CHODL: variants seen among roughly 807,000 people sequenced by gnomAD.
The protein encoded by CHODL is transmembrane protein MT75.
Under a neutral mutation model 34.5 loss-of-function variants are expected in CHODL, and 29 were observed. The observed-to-expected ratio is 0.84, with a 90% CI of 0.63 to 1.15. The LOEUF (loss-of-function observed/expected upper bound fraction) is 1.15. CHODL is among the 50% of genes most tolerant of loss of function. The pLI is 0.00. For synonymous variants in CHODL, 125 were observed against 116.1 expected (o/e 1.08, Z -0.49); for missense variants, 332 against 332.5 (o/e 1.00, Z 0.01).
intron 2 of CHODL, among the ~76,000 whole-genome samples, chr21:18,239,161 A>T (rs2074057621): frequency 1.3e-5 from 2 of 152,028 alleles, no homozygotes. Flanking sequence ...GTTTCTTTGG[A>T]ATGTAGAATA....
chr21:18,189,130 C>A (rs2073480280), intron 2 of CHODL, among the ~76,000 whole-genome samples: 1 of 152,150 alleles, frequency 6.6e-6, no homozygotes, highest in Admixed American at 6.5e-5. Flanking sequence ...AGAATTCTCT[C>A]TCTCTTTTTT....
intron 2 of CHODL, among the ~76,000 whole-genome samples, chr21:18,193,853 A>G (rs2146696092): frequency 6.6e-6 from 1 of 152,250 alleles, no homozygotes; most frequent in East Asian, 1.9e-4. Flanking sequence ...AAGGGAATTC[A>G]GTATTCAGAC....
chr21:18,178,451 G>C (rs768055740), intron 2 of CHODL, among the ~76,000 whole-genome samples: 1 of 152,074 alleles, frequency 6.6e-6, no homozygotes, highest in East Asian at 1.9e-4. Context: ...CCCCCTTCCA[G>C]TTAAAATTTA....
intron 1 of CHODL, among the ~76,000 whole-genome samples, chr21:17,974,934 A>T (rs921356437): frequency 1.9e-4 from 28 of 148,278 alleles, no homozygotes; most frequent in Non-Finnish European, 7.4e-5. Context: ...TATATATATA[A>T]AATATATAAA....
chr21:18,049,715 C>T (rs577731283), intron 2 of CHODL, among the ~76,000 whole-genome samples: 1 of 152,028 alleles, frequency 6.6e-6, no homozygotes, highest in African/African-American at 2.4e-5. Context: ...GTCTAAATTT[C>T]CTCCTCTTAT....
chr21:18,251,649 TA>T lies in CHODL; in HGVS notation c.80-4856del, dbSNP rs1259464603. ...TATTTTATTTATTTATTTTAATATA[TA>T]AAATATTTATTTTATTTATTTATTT... is the stretch of plus-strand genomic sequence containing the variant. On this transcript the variant is annotated intron_variant, in intron 1 of 5. Transcript: ENST00000299295. Among the ~76,000 whole-genome samples, 10 of 101,706 alleles carry T rather than the reference TA, an allele frequency of 9.8e-5. 1 individual carries two copies. The highest frequency in any genetic ancestry group is 3.2e-4 in the East Asian group (1 of 3,090). 66.7% of individuals were successfully genotyped at this position (101,706 alleles called of 152,430 possible).
At chr21:18,191,277 T>A (rs995881534) in intron 2 of CHODL, among the ~76,000 whole-genome samples, 13 of 152,066 alleles carry the variant, frequency 8.5e-5, no homozygotes, top group African/African-American at 3.1e-4. Context: ...GAGGCAGAGG[T>A]CTGAAAAGTA....
chr21:18,024,804 A>G (rs988473809), intron 1 of CHODL: 2 of 152,214 alleles, frequency 1.3e-5, no homozygotes, highest in Non-Finnish European at 2.9e-5. Flanking sequence ...TGGCTAATCC[A>G]TAGAGGATGG....
At chr21:18,165,823 C>T (rs1485821534) in intron 2 of CHODL, among the ~76,000 whole-genome samples, 1 of 152,096 alleles carries the variant, frequency 6.6e-6, no homozygotes, top group Non-Finnish European at 1.5e-5. Flanking sequence ...TAAATGACTC[C>T]TGTGGCCATT....
chr21:18,167,853 G>C (rs1222399528), intron 2 of CHODL, among the ~76,000 whole-genome samples: 1 of 152,066 alleles, frequency 6.6e-6, no homozygotes, highest in East Asian at 1.9e-4. Flanking sequence ...ATTGTTCCTG[G>C]GTTTGTCTGT....
intron 2 of CHODL, among the ~76,000 whole-genome samples, chr21:18,207,976 T>C (rs531068792): frequency 1.3e-4 from 20 of 152,228 alleles, no homozygotes; most frequent in African/African-American, 4.6e-4. Flanking sequence ...TTCTATAACC[T>C]TCTTGTACTT....
At chr21:18,246,551 A>T (rs1023069636) in intron 1 of CHODL, among the ~76,000 whole-genome samples, 1 of 152,348 alleles carries the variant, frequency 6.6e-6, no homozygotes, top group Middle Eastern at 3.4e-3. Context: ...AATCTGTGAC[A>T]TTAGATCCTT....
At chr21:18,070,026 C>CCCTT (rs1491313294) in intron 2 of CHODL, among the ~76,000 whole-genome samples, 1 of 13,518 alleles carries the variant, frequency 7.4e-5, no homozygotes, top group African/African-American at 1.6e-4. Context: ...TCCCTTCCCT[C>CCCTT]CCCCCCCCCA....
At chr21:18,028,653 C>G (rs1354567241) in intron 2 of CHODL, among the ~76,000 whole-genome samples, 1 of 146,748 alleles carries the variant, frequency 6.8e-6, no homozygotes, top group East Asian at 2.0e-4. Context: ...GAACCAAGAT[C>G]CTGTCACTGC....
At chr21:18,265,083 A>ATGTT (rs1310236459) in intron 5 of CHODL, among the ~76,000 whole-genome samples, 2 of 151,830 alleles carry the variant, frequency 1.3e-5, no homozygotes, top group Non-Finnish European at 2.9e-5. Context: ...TAAAACGGAA[A>ATGTT]TGTTTAATAT....
In CHODL at chr21:18,266,182, AT is replaced by A. The variant is rs2074459910; in HGVS notation, c.*149del. The A allele has an allele frequency of 2.4e-5, 37 of 1,548,040 alleles. No individual in the cohort carries two copies. Among genetic ancestry groups the A allele is most frequent in the Non-Finnish European group, 3.2e-5 (37 of 1,144,874 alleles). On this transcript the variant is annotated 3_prime_UTR_variant, in exon 6 of 6. Transcript: ENST00000299295. Reference sequence around the variant, plus strand: ...CCCCCTTGAGGCAAATATTAAAGTAATTTTTATATGTCTATTATTTCATTTA... The same window carrying A: ...CCCCCTTGAGGCAAATATTAAAGTAATTTTATATGTCTATTATTTCATTTA...
At chr21:18,099,420 C>A (rs1214146073) in intron 2 of CHODL, among the ~76,000 whole-genome samples, 1 of 151,188 alleles carries the variant, frequency 6.6e-6, no homozygotes, top group African/African-American at 2.4e-5. Context: ...ATATATATTA[C>A]AATATAAATC....
chr21:17,964,667 G>T (rs1281807101), intron 1 of CHODL, among the ~76,000 whole-genome samples: 1 of 152,184 alleles, frequency 6.6e-6, no homozygotes. Flanking sequence ...CTGGTTTAAT[G>T]ATTCCTGGTT....
intron 2 of CHODL, among the ~76,000 whole-genome samples, chr21:18,228,098 T>A (rs1198032950): frequency 6.6e-6 from 1 of 152,154 alleles, no homozygotes; most frequent in East Asian, 1.9e-4. Context: ...ACTATTGACA[T>A]TAATCTAAGA....
Sources: gnomAD v4.1 joint callset for allele counts (sites outside exome capture counted in the v4.1 genomes callset) on GRCh38, gnomAD v4.1.1 for gene constraint, MANE v1.5 for transcripts, NCBI Gene and HGNC (gene_info 2026-07-23, HGNC 2026-07-21) for gene names.